The following ERO1B variants were observed in gnomAD, a reference collection of about 807,000 sequenced individuals.
ERO1B encodes endoplasmic reticulum oxidoreductase 1 beta, also known as ERO1-like protein beta.
A neutral mutation model predicts 75.3 loss-of-function variants in ERO1B; 49 were observed. The ratio of observed to expected loss-of-function variants is 0.65; its 90% CI spans 0.52 to 0.83. The LOEUF is 0.83. Among genes scored for constraint, ERO1B ranks in the 40% least tolerant of loss-of-function variants. The pLI, the probability that ERO1B is intolerant of heterozygous loss-of-function variation, is 0.00. For missense variants in ERO1B, 512 were observed against 560.1 expected, an observed-to-expected ratio of 0.91 and a Z score of 0.87; for synonymous variants, 191 against 192.9, an observed-to-expected ratio of 0.99 and a Z score of 0.08.
At chr1:236,258,790 G>A (rs999489301) in intron 2 of ERO1B, among the ~76,000 whole-genome samples, 5 of 152,158 alleles carry the variant, frequency 3.3e-5, no homozygotes, top group Non-Finnish European at 4.4e-5. Flanking sequence ...TCGGGAAGCC[G>A]AGTCAAGAGA....
chr1:236,241,659 A>G (rs1448766962), intron 6 of ERO1B, among the ~76,000 whole-genome samples: 1 of 152,182 alleles, frequency 6.6e-6, no homozygotes, highest in Admixed American at 6.5e-5. Flanking sequence ...GTTTTATAAG[A>G]ATATAAAAAT....
chr1:236,281,609 A>C, intron 1 of ERO1B, 73 bp downstream of exon 1: 1 of 818,736 alleles, frequency 1.2e-6, no homozygotes, highest in Non-Finnish European at 1.6e-6. Context: ...TCCCCGCGTC[A>C]CAGCCGCGGC....
chr1:236,226,958 GA>G (rs1229985122), intron 10 of ERO1B, among the ~76,000 whole-genome samples: 1 of 152,106 alleles, frequency 6.6e-6, no homozygotes, highest in Non-Finnish European at 1.5e-5. Context: ...ACTTAATGCT[GA>G]AAAAAGCAGA....
intron 10 of ERO1B, among the ~76,000 whole-genome samples, chr1:236,229,146 C>A (rs561248156): frequency 6.6e-6 from 1 of 152,116 alleles, no homozygotes; most frequent in African/African-American, 2.4e-5. Context: ...AAGAAATAGG[C>A]CAGGTATGGT....
In ERO1B at chr1:236,222,046, T is replaced by G. The variant is rs200347934; in HGVS notation, c.1123-36A>C. The G allele has an allele frequency of 3.3e-6, 5 of 1,533,650 alleles. No homozygotes were observed. In the African/African-American group the frequency reaches 6.8e-5, roughly 21 times the overall value. On this transcript the variant is annotated intron_variant, in intron 13 of 15. Transcript: ENST00000354619. Reference sequence around the variant, plus strand: ...GAAAATATTTTCAGTCTAATTAGACTTTTAAAATTGAACCGCATTTGGCTA... The same window carrying G: ...GAAAATATTTTCAGTCTAATTAGACGTTTAAAATTGAACCGCATTTGGCTA...
intron 9 of ERO1B, among the ~76,000 whole-genome samples, chr1:236,231,571 G>A (rs925667188): frequency 8.9e-5 from 13 of 146,824 alleles, no homozygotes; most frequent in African/African-American, 2.8e-4. Flanking sequence ...AGAAAGAAAA[G>A]AGAGCAGTCA....
In ERO1B at chr1:236,235,789, C is replaced by T. The variant is rs758805690; in HGVS notation, c.673G>A (p.Gly225Ser). The T allele has an allele frequency of 1.2e-6, 2 of 1,610,148 alleles. No homozygotes were observed. The highest frequency in any genetic ancestry group is 1.7e-5 in the Admixed American group (1 of 59,290). Reference protein sequence around the residue: ...RPLNPLAPSRGEDDGESFYTW... With the variant: ...RPLNPLAPSRSEDDGESFYTW... ...GAAAATGTACATATGAAAAACCTAC[C>T]TCGGCTAGGCGCCAGAGGATTTAAA... The change falls in exon 8 of 16, where the codon GGC becomes AGC. Residue 225 changes from glycine (G) to serine (S), a missense_variant and splice_region_variant. Gly to Ser is a moderately conservative substitution (Grantham distance 56, BLOSUM62 0). Coordinates refer to ENST00000354619, the MANE Select transcript of ERO1B (RefSeq NM_019891.4).
intron 10 of ERO1B, among the ~76,000 whole-genome samples, chr1:236,227,201 T>C (rs539720972): frequency 1.3e-5 from 2 of 152,216 alleles, no homozygotes; most frequent in Admixed American, 1.3e-4. Context: ...TTTAACCATA[T>C]GTTCTACTTG....
intron 7 of ERO1B, among the ~76,000 whole-genome samples, 187 bp downstream of exon 7, chr1:236,236,091 A>AT (rs1265984321): frequency 5.3e-5 from 8 of 151,978 alleles, no homozygotes; most frequent in Non-Finnish European, 8.8e-5. Context: ...TGCCCGGCTA[A>AT]TTTTTTTGTA....
At chr1:236,230,312 A>C (rs999638077) in intron 9 of ERO1B, 62 bp from the exon 10 acceptor site, 7 of 1,415,628 alleles carry the variant, frequency 4.9e-6, no homozygotes, top group Non-Finnish European at 6.9e-6. Flanking sequence ...AGAATAAATT[A>C]GGTTTATAAA....
At chr1:236,239,765 C>T (rs940053743) in intron 6 of ERO1B, among the ~76,000 whole-genome samples, 1 of 141,700 alleles carries the variant, frequency 7.1e-6, no homozygotes, top group Non-Finnish European at 1.5e-5. Context: ...TGAAGTTGAA[C>T]TAGTGTTATT....
intron 2 of ERO1B, among the ~76,000 whole-genome samples, chr1:236,262,772 G>A (rs956880709): frequency 2.6e-5 from 4 of 152,078 alleles, no homozygotes; most frequent in South Asian, 2.1e-4. Context: ...ATGGTGCAAC[G>A]AGTGGACTGT....
chr1:236,265,960 T>C (rs1572064835), intron 2 of ERO1B, among the ~76,000 whole-genome samples: 1 of 152,230 alleles, frequency 6.6e-6, no homozygotes, highest in East Asian at 1.9e-4. Context: ...ATACTTTCTC[T>C]AATGTAGGGC....
intron 2 of ERO1B, among the ~76,000 whole-genome samples, chr1:236,254,231 T>C (rs1020065515): frequency 1.3e-5 from 2 of 152,234 alleles, no homozygotes; most frequent in African/African-American, 2.4e-5. Context: ...AGTAATTCAA[T>C]AGGACTTGCA....
In ERO1B at chr1:236,227,599, A is replaced by T. The variant is rs1415913208; in HGVS notation, c.713-860T>A. Reference sequence around the variant, plus strand: ...ACGGCCATGAGCTTTTCCCTCCTTCATCCAACAGGTTTTTAACACTTTCCC... The same window carrying T: ...ACGGCCATGAGCTTTTCCCTCCTTCTTCCAACAGGTTTTTAACACTTTCCC... On this transcript the variant is annotated intron_variant, in intron 10 of 15. Coordinates refer to ENST00000354619, the MANE Select transcript of ERO1B (RefSeq NM_019891.4). Among the ~76,000 whole-genome samples the T allele has an allele frequency of 9.2e-5, 14 of 152,234 alleles. 1 individual carries two copies. Among genetic ancestry groups the T allele is most frequent in the Admixed American group, 9.2e-4 (14 of 15,288 alleles).
At chr1:236,271,192 C>A (rs1001704987) in intron 1 of ERO1B, among the ~76,000 whole-genome samples, 2 of 151,998 alleles carry the variant, frequency 1.3e-5, no homozygotes, top group African/African-American at 4.8e-5. Flanking sequence ...TCCATATGAA[C>A]TAACAACCAA....
intron 2 of ERO1B, among the ~76,000 whole-genome samples, chr1:236,255,032 T>C (rs1036258227): frequency 1.3e-5 from 2 of 151,802 alleles, no homozygotes; most frequent in African/African-American, 4.8e-5. Context: ...AGGTGATCTT[T>C]GTACCTCAGC....
At chr1:236,268,405 A>G (rs1164526449) in intron 2 of ERO1B, among the ~76,000 whole-genome samples, 1 of 151,860 alleles carries the variant, frequency 6.6e-6, no homozygotes, top group South Asian at 2.1e-4. Flanking sequence ...GAGCCACTGC[A>G]CTCCAGTCTG....
chr1:236,257,542 A>C (rs565034143), intron 2 of ERO1B, among the ~76,000 whole-genome samples: 1 of 143,870 alleles, frequency 7.0e-6, no homozygotes, highest in Non-Finnish European at 1.5e-5. Context: ...AAAAATGAAG[A>C]AATAGGGAAA....
Sources: allele counts gnomAD v4.1 joint callset (sites outside exome capture counted in the v4.1 genomes callset), GRCh38; gene constraint gnomAD v4.1.1; transcripts MANE v1.5; gene names NCBI Gene and HGNC (gene_info 2026-07-23, HGNC 2026-07-21).